ME2: variants seen among roughly 807,000 people sequenced by gnomAD.
The protein encoded by ME2 is NAD-dependent malic enzyme, mitochondrial.
Under a neutral mutation model 73.7 loss-of-function variants are expected in ME2, and 60 were observed. The observed-to-expected ratio is 0.81, with a 90% CI of 0.66 to 1.01. The LOEUF (loss-of-function observed/expected upper bound fraction) is 1.01, where lower values mean the gene tolerates loss of function less well. Ranked by LOEUF, ME2 falls within the 50% of genes least tolerant of loss-of-function variation. The pLI, the probability that ME2 is intolerant of heterozygous loss-of-function variation, is 0.00. For synonymous variants in ME2, 199 were observed against 236.9 expected (o/e 0.84, Z 1.47); for missense variants, 594 against 705.5 (o/e 0.84, Z 1.79).
intron 2 of ME2, among the ~76,000 whole-genome samples, chr18:50,904,066 T>C (rs1916952680): frequency 1.3e-5 from 2 of 152,226 alleles, no homozygotes; most frequent in African/African-American, 4.8e-5. Flanking sequence ...ATAATAGTTA[T>C]ATCTTCATAA....
At chr18:50,944,060 A>G (rs1181701423) in intron 15 of ME2, among the ~76,000 whole-genome samples, 3 of 152,074 alleles carry the variant, frequency 2.0e-5, no homozygotes, top group East Asian at 3.9e-4. Flanking sequence ...CTACCAAAAA[A>G]AAAATTAGCC....
intron 3 of ME2, among the ~76,000 whole-genome samples, chr18:50,910,146 C>G (rs1917113912): frequency 6.6e-6 from 1 of 150,382 alleles, no homozygotes; most frequent in Non-Finnish European, 1.5e-5. Context: ...TAAAGCTGAA[C>G]AAAAGCTAGG....
At chr18:50,938,237 AG>A (rs1264380696) in intron 13 of ME2, among the ~76,000 whole-genome samples, 1 of 152,174 alleles carries the variant, frequency 6.6e-6, no homozygotes, top group Admixed American at 6.5e-5. Flanking sequence ...CTGAGGTAGG[AG>A]GATCGCTTGA....
chr18:50,882,208 G>A (rs1244995728), intron 1 of ME2, among the ~76,000 whole-genome samples: 3 of 151,968 alleles, frequency 2.0e-5, no homozygotes, highest in African/African-American at 4.8e-5. Flanking sequence ...CATGTTGCCC[G>A]GGCTGACCTG....
At chr18:50,939,801 A>ATT in intron 14 of ME2, 161 bp downstream of exon 14, 1 of 561,720 alleles carries the variant, frequency 1.8e-6, no homozygotes, top group Non-Finnish European at 3.1e-6. Flanking sequence ...CATAAAATTA[A>ATT]TTTTTTTAAT....
intron 1 of ME2, among the ~76,000 whole-genome samples, chr18:50,884,135 A>G (rs557196701): frequency 6.6e-5 from 10 of 151,930 alleles, no homozygotes; most frequent in Non-Finnish European, 1.5e-4. Flanking sequence ...TTTTTTTTTA[A>G]TTATGCCTAC....
At chr18:50,894,764 C>T (rs1025574040) in intron 1 of ME2, among the ~76,000 whole-genome samples, 7 of 151,374 alleles carry the variant, frequency 4.6e-5, no homozygotes, top group African/African-American at 1.7e-4. Flanking sequence ...GTAGTCCCAG[C>T]TACTCGGGAG....
chr18:50,879,967 T>A (rs1356199131), intron 1 of ME2, among the ~76,000 whole-genome samples: 2 of 152,242 alleles, frequency 1.3e-5, no homozygotes, highest in Non-Finnish European at 2.9e-5. Context: ...CTAGAAAATT[T>A]ACGTTGCTTG....
intron 1 of ME2, among the ~76,000 whole-genome samples, chr18:50,892,709 T>C (rs1423366121): frequency 6.6e-6 from 1 of 152,232 alleles, no homozygotes; most frequent in Non-Finnish European, 1.5e-5. Context: ...TCAGATTTTC[T>C]AGGTGGCAGT....
chr18:50,939,029 A>C (rs1416317647), intron 13 of ME2: 6 of 152,084 alleles, frequency 3.9e-5, no homozygotes, highest in African/African-American at 1.4e-4. Flanking sequence ...AAGAAGAAAG[A>C]AAGCTGAAAA....
intron 12 of ME2, among the ~76,000 whole-genome samples, chr18:50,927,413 C>A (rs1182906605): frequency 6.6e-6 from 1 of 151,854 alleles, no homozygotes; most frequent in Non-Finnish European, 1.5e-5. Flanking sequence ...AAAAATATAA[C>A]CACAGGGCCG....
intron 1 of ME2, among the ~76,000 whole-genome samples, chr18:50,881,773 G>C (rs534461727): frequency 6.6e-6 from 1 of 152,180 alleles, no homozygotes; most frequent in East Asian, 1.9e-4. Context: ...GACCACCTTA[G>C]TCTACAACTA....
chr18:50,890,680 C>T (rs916152724), intron 1 of ME2, among the ~76,000 whole-genome samples: 2 of 152,078 alleles, frequency 1.3e-5, no homozygotes, highest in Admixed American at 1.3e-4. Flanking sequence ...TTTCTTATAA[C>T]CTTCCTCACC....
chr18:50,917,361 T>C lies in ME2; in HGVS notation c.483T>C (p.Thr161=). The change falls in exon 6 of 16, where the codon ACT becomes ACC. Residue 161 remains threonine, a synonymous_variant. Coordinates refer to ENST00000321341, the MANE Select transcript of ME2 (RefSeq NM_002396.5). ...PENHVKAVVV[T]DGERILGLGD... ...TTGTGATTAAGGCTGTTGTAGTGAC[T>C]GATGGAGAGAGAATTCTGGGTCTTG... 6.2e-7 allele frequency: 1 copy of C among 1,613,392 alleles called. No homozygotes were observed. The highest frequency in any genetic ancestry group is 8.5e-7 in the Non-Finnish European group (1 of 1,179,556).
At chr18:50,914,715 T>G (rs1031758912) in intron 4 of ME2, among the ~76,000 whole-genome samples, 1 of 152,202 alleles carries the variant, frequency 6.6e-6, no homozygotes, top group African/African-American at 2.4e-5. Flanking sequence ...TAAACTGATT[T>G]GAACTGTAAT....
At position 50,917,431 on chromosome 18, in the gene ME2, T is replaced by C. The variant is rs970639419; in HGVS notation, c.553T>C (p.Cys185Arg). ...AATGGGAATTCCAGTAGGAAAACTTTGTTTGTATACAGCTTGTGCAGGAAT... is the reference window on the plus strand; with the variant it reads ...AATGGGAATTCCAGTAGGAAAACTTCGTTTGTATACAGCTTGTGCAGGAAT... Reference protein sequence around the residue: ...YGMGIPVGKLCLYTACAGIRP... With the variant: ...YGMGIPVGKLRLYTACAGIRP... The change falls in exon 6 of 16, where the codon TGT (cysteine) becomes CGT (arginine). Residue 185 changes from cysteine to arginine, a missense_variant. Physicochemically the swap from Cys to Arg is radical, Grantham distance 180. Transcript: ENST00000321341. 3 of 1,613,810 alleles carry C rather than the reference T, an allele frequency of 1.9e-6. No individual in the cohort carries two copies. The highest frequency in any genetic ancestry group is 1.7e-6 in the Non-Finnish European group (2 of 1,179,784).
intron 12 of ME2, among the ~76,000 whole-genome samples, chr18:50,926,746 T>C (rs1917562508): frequency 6.6e-6 from 1 of 152,206 alleles, no homozygotes; most frequent in African/African-American, 2.4e-5. Flanking sequence ...TATTTTCCAG[T>C]TTGCAGATTC....
At chr18:50,897,289 T>A (rs928658168) in intron 2 of ME2, among the ~76,000 whole-genome samples, 1 of 152,238 alleles carries the variant, frequency 6.6e-6, no homozygotes, top group Admixed American at 6.5e-5. Context: ...ATATATTGGT[T>A]TTATATTTTA....
chr18:50,934,679 G>A (rs976804990), intron 13 of ME2: 1 of 152,022 alleles, frequency 6.6e-6, no homozygotes, highest in Non-Finnish European at 1.5e-5. Context: ...GGCATTTGAG[G>A]CAGAAATGAG....
Sources: allele counts gnomAD v4.1 joint callset (sites outside exome capture counted in the v4.1 genomes callset), GRCh38; gene constraint gnomAD v4.1.1; transcripts MANE v1.5; gene names NCBI Gene and HGNC (gene_info 2026-07-23, HGNC 2026-07-21).